CCSER1: variants seen among roughly 807,000 people sequenced by gnomAD.
CCSER1 encodes coiled-coil serine rich protein 1.
In CCSER1, 41 loss-of-function variants were observed where a neutral mutation model predicts 82.0. That is an observed-to-expected ratio of 0.50 (90% CI 0.39 to 0.65). The LOEUF is 0.65. CCSER1 is among the 30% of genes least tolerant of loss of function. The pLI is 0.00. For missense variants in CCSER1, 1,119 were observed against 1,064.2 expected (o/e 1.05, Z -0.72); for synonymous variants, 414 against 383.9 (o/e 1.08, Z -0.92).
chr4:91,024,327 A>T (rs1374997925), intron 9 of CCSER1, among the ~76,000 whole-genome samples: 2 of 152,214 alleles, frequency 1.3e-5, no homozygotes, highest in South Asian at 4.1e-4. Context: ...TGAAGCTAAT[A>T]ACAAAAACAG....
intron 3 of CCSER1, among the ~76,000 whole-genome samples, chr4:90,344,197 A>C (rs931325132): frequency 3.3e-5 from 5 of 152,144 alleles, no homozygotes; most frequent in Admixed American, 6.5e-5. Context: ...AGTTCCATCC[A>C]TGTTGTTCCA....
chr4:90,710,498 A>T lies in CCSER1; in HGVS notation c.1933-13416A>T, dbSNP rs958202745. Among the ~76,000 whole-genome samples the T allele has an allele frequency of 2.8e-4, 43 of 152,064 alleles. 1 individual carries two copies. The highest frequency in any genetic ancestry group is 6.3e-4 in the Non-Finnish European group (43 of 68,002). On this transcript the variant is annotated intron_variant, in intron 6 of 10. Coordinates refer to ENST00000509176, the MANE Select transcript of CCSER1 (RefSeq NM_001145065.2). ...TAAGTCTTTAATTCCTCTGGAGTTA[A>T]TTTTTGTATATGGTGTAAGGAAGAG...
chr4:91,398,873 G>A (rs2904382), intron 10 of CCSER1, among the ~76,000 whole-genome samples: 107,395 of 151,660 alleles, frequency 0.71, 38,089 homozygotes, highest in East Asian at 0.86. Flanking sequence ...CTTAGCTCAG[G>A]GTAGATCAGA....
At chr4:91,567,393 C>T (rs559341816) in intron 10 of CCSER1, among the ~76,000 whole-genome samples, 24 of 152,020 alleles carry the variant, frequency 1.6e-4, no homozygotes, top group South Asian at 6.2e-4. Context: ...AAGGTCTATC[C>T]AATCCATTTG....
chr4:90,656,463 C>T (rs1051182687), intron 6 of CCSER1, among the ~76,000 whole-genome samples: 4 of 151,320 alleles, frequency 2.6e-5, no homozygotes, highest in African/African-American at 9.7e-5. Context: ...ATTAGTATTG[C>T]TTGTGCTAGT....
chr4:90,875,479 C>A (rs1049890283), intron 8 of CCSER1, among the ~76,000 whole-genome samples: 1 of 152,130 alleles, frequency 6.6e-6, no homozygotes, highest in African/African-American at 2.4e-5. Context: ...ATGTTGAAGT[C>A]TATTCATTTA....
At position 90,932,962 on chromosome 4, in the gene CCSER1, GAAAGAAAGAAAGAAAGAAAGAGAA is replaced by G. The variant is rs1561384642; in HGVS notation, c.2172+9517_2172+9540del. Among the ~76,000 whole-genome samples the G allele has an allele frequency of 5.5e-4, 19 of 34,820 alleles. 3 individuals are homozygous for G. Among genetic ancestry groups the G allele is most frequent in the African/African-American group, 1.9e-3 (10 of 5,180 alleles). The allele number at this position is 34,820 out of a possible 152,430, so 22.8% of individuals were successfully genotyped here. A position where few individuals can be genotyped will look rare whatever the true frequency, so the allele number is the denominator to read the frequency against. On this transcript the variant is annotated intron_variant, in intron 9 of 10. Transcript: ENST00000509176. ...AGAAAGAAAGAAAGAAAGAAAGAAA[GAAAGAAAGAAAGAAAGAAAGAGAA>G]AGAAAGAAAGAAAGAAAGAAAGAAA...
At chr4:90,413,948 C>CAAAAA in intron 4 of CCSER1, among the ~76,000 whole-genome samples, 10 of 22,362 alleles carry the variant, frequency 4.5e-4, no homozygotes, top group Non-Finnish European at 6.3e-4. Flanking sequence ...GACACCGTCT[C>CAAAAA]AAAAAAAAAA....
intron 10 of CCSER1, among the ~76,000 whole-genome samples, chr4:91,166,118 G>T (rs1732036658): frequency 6.6e-6 from 1 of 152,178 alleles, no homozygotes. Flanking sequence ...ACAGTTTTAT[G>T]AGTTACATCA....
At chr4:90,869,513 A>G (rs1035300055) in intron 8 of CCSER1, among the ~76,000 whole-genome samples, 1 of 151,602 alleles carries the variant, frequency 6.6e-6, no homozygotes, top group African/African-American at 2.4e-5. Flanking sequence ...TTTACTGTAG[A>G]TGTATGAATT....
chr4:90,319,217 C>T (rs1335213046), intron 3 of CCSER1, among the ~76,000 whole-genome samples: 3 of 152,144 alleles, frequency 2.0e-5, no homozygotes, highest in Non-Finnish European at 4.4e-5. Context: ...AAATGAATCT[C>T]ATGATTAATA....
At chr4:90,894,511 A>G (rs889116233) in intron 8 of CCSER1, among the ~76,000 whole-genome samples, 1 of 151,950 alleles carries the variant, frequency 6.6e-6, no homozygotes, top group Admixed American at 6.6e-5. Flanking sequence ...ACTCCCCAAA[A>G]CAACTTGTTT....
intron 10 of CCSER1, among the ~76,000 whole-genome samples, chr4:91,133,612 C>T (rs1384240266): frequency 1.3e-5 from 2 of 151,990 alleles, no homozygotes; most frequent in East Asian, 3.9e-4. Context: ...TGTGGGTGCT[C>T]ATAACACATA....
At chr4:90,250,731 A>T (rs1317641025) in intron 1 of CCSER1, among the ~76,000 whole-genome samples, 2 of 151,980 alleles carry the variant, frequency 1.3e-5, no homozygotes, top group African/African-American at 4.8e-5. Flanking sequence ...CAGCTTATCA[A>T]TTTCTGCAAT....
chr4:90,673,049 CA>C (rs1733106041), intron 6 of CCSER1, among the ~76,000 whole-genome samples: 1 of 151,676 alleles, frequency 6.6e-6, no homozygotes, highest in African/African-American at 2.4e-5. Flanking sequence ...TGAGAATTAC[CA>C]AAATGTGACA....
rs70965460 is a variant in CCSER1 at position 90,943,729 on chromosome 4, A to ATTTTTTTTT, written c.2172+20303_2172+20311dup. On this transcript the variant is annotated intron_variant, in intron 9 of 10. Transcript: ENST00000509176. ...AAACATGAGCCACTGTGCCAGGCTA[A>ATTTTTTTTT]TTTTTTTTTTTTTTTTTTTTTTTTT... 3.5e-4 allele frequency among the ~76,000 whole-genome samples: 24 copies of ATTTTTTTTT among 68,854 alleles called. 1 individual carries two copies. Among genetic ancestry groups the ATTTTTTTTT allele is most frequent in the Non-Finnish European group, 5.5e-4 (21 of 38,434 alleles). The allele number at this position is 68,854 out of a possible 152,430, so 45.2% of individuals were successfully genotyped here.
chr4:91,083,023 A>G (rs918578612), intron 9 of CCSER1, among the ~76,000 whole-genome samples: 1 of 152,212 alleles, frequency 6.6e-6, no homozygotes, highest in African/African-American at 2.4e-5. Context: ...AGGATCTAGA[A>G]CTAGGAATAG....
intron 10 of CCSER1, among the ~76,000 whole-genome samples, chr4:91,304,745 C>T (rs1744920337): frequency 6.6e-6 from 1 of 151,884 alleles, no homozygotes; most frequent in Non-Finnish European, 1.5e-5. Flanking sequence ...CAATACAATC[C>T]CCGAATGTTA....
At chr4:91,390,249 G>A (rs1751566503) in intron 10 of CCSER1, among the ~76,000 whole-genome samples, 1 of 151,534 alleles carries the variant, frequency 6.6e-6, no homozygotes, top group Non-Finnish European at 1.5e-5. Context: ...ATTTTATCAT[G>A]GTTGGCCATT....
Sources: allele counts gnomAD v4.1 joint callset (sites outside exome capture counted in the v4.1 genomes callset), GRCh38; gene constraint gnomAD v4.1.1; transcripts MANE v1.5; gene names NCBI Gene and HGNC (gene_info 2026-07-23, HGNC 2026-07-21).